Variants in ZNF366 observed in about 807,000 individuals in gnomAD.
The protein encoded by ZNF366 is zinc finger protein 366.
Under a neutral mutation model 47.2 loss-of-function variants are expected in ZNF366, and 20 were observed. The ratio of observed to expected loss-of-function variants is 0.42; its 90% confidence interval spans 0.30 to 0.62. The LOEUF (loss-of-function observed/expected upper bound fraction) is 0.62, where lower values mean the gene tolerates loss of function less well. Among genes scored for constraint, ZNF366 ranks in the 20% least tolerant of loss-of-function variants. ZNF366 has a pLI of 0.16. For missense variants in ZNF366, 987 were observed against 976.3 expected (o/e 1.01, Z -0.15); for synonymous variants, 421 against 395.1 (o/e 1.07, Z -0.78).
rs1742839519 is a variant in ZNF366 at position 72,440,666 on chromosome 5, C to G, written c.*3090G>C. 6.6e-6 allele frequency: 1 copy of G among 152,170 alleles called. No homozygotes were observed. The highest frequency in any genetic ancestry group is 2.4e-5 in the African/African-American group (1 of 41,426). The allele number at this position is 152,170 out of a possible 1,614,324, so 9.4% of individuals were successfully genotyped here. A position where few individuals can be genotyped will look rare whatever the true frequency, so the allele number is the denominator to read the frequency against. ...ACTCTGTGCTCTTGCATAAAGTGTC[C>G]ATGTAATTTCTCACCCAAACTGGAA... On this transcript the variant is annotated 3_prime_UTR_variant, in exon 5 of 5. Transcript: ENST00000318442.
chr5:72,480,220 T>C (rs1743764973), intron 1 of ZNF366, among the ~76,000 whole-genome samples: 1 of 152,172 alleles, frequency 6.6e-6, no homozygotes, highest in Non-Finnish European at 1.5e-5. Context: ...GTGTGACAAA[T>C]TGATGAGGTA....
At chr5:72,457,935 C>T (rs190367531) in intron 2 of ZNF366, among the ~76,000 whole-genome samples, 1 of 150,484 alleles carries the variant, frequency 6.6e-6, no homozygotes, top group Non-Finnish European at 1.5e-5. Context: ...AGTGCATATT[C>T]AAACACTGAG....
chr5:72,488,169 T>C (rs541326626), intron 1 of ZNF366, among the ~76,000 whole-genome samples: 10 of 151,530 alleles, frequency 6.6e-5, no homozygotes, highest in Non-Finnish European at 1.5e-4. Flanking sequence ...GATTGCACCA[T>C]TGCACTCCAG....
At chr5:72,464,710 T>TA (rs1490147706) in intron 1 of ZNF366, among the ~76,000 whole-genome samples, 2 of 152,168 alleles carry the variant, frequency 1.3e-5, no homozygotes, top group African/African-American at 4.8e-5. Context: ...CTCCCACCCT[T>TA]AAAATAGTAG....
intron 2 of ZNF366, among the ~76,000 whole-genome samples, chr5:72,456,899 T>C (rs954668085): frequency 6.6e-6 from 1 of 152,164 alleles, no homozygotes; most frequent in Non-Finnish European, 1.5e-5. Flanking sequence ...TTCTTGAGGA[T>C]TAACAGGCTT....
At chr5:72,456,932 A>C (rs4703891) in intron 2 of ZNF366, among the ~76,000 whole-genome samples, 28,661 of 152,052 alleles carry the variant, frequency 0.19, 2,894 homozygotes, top group East Asian at 0.44. Context: ...CTATGGGCTG[A>C]TATGCAATAT....
Position 72,447,267 on chromosome 5 carries a change from T to A in ZNF366, c.1675A>T (p.Met559Leu), listed in dbSNP as rs777879743. The change falls in exon 4 of 5, where the codon ATG (methionine) becomes TTG (leucine). Residue 559 changes from methionine to leucine, a missense_variant. Transcript: ENST00000318442. ...TRHMKVKHGVMERGLHSQGLG... is the reference protein window; with the variant it reads ...TRHMKVKHGVLERGLHSQGLG... ...CCTTGGGAATGAAGGCCCCGCTCCA[T>A]GACTCCATGCTTGACTTTCATGTGG... The A allele has an allele frequency of 6.2e-7, 1 of 1,614,102 alleles. No homozygotes were observed. Among genetic ancestry groups the A allele is most frequent in the Non-Finnish European group, 8.5e-7 (1 of 1,180,022 alleles).
intron 1 of ZNF366, among the ~76,000 whole-genome samples, chr5:72,485,267 G>T (rs1281878725): frequency 6.6e-6 from 1 of 152,150 alleles, no homozygotes; most frequent in African/African-American, 2.4e-5. Context: ...CATACTGTTT[G>T]CTCCATGAGG....
chr5:72,476,183 A>C (rs1030774654), intron 1 of ZNF366, among the ~76,000 whole-genome samples: 2 of 152,170 alleles, frequency 1.3e-5, no homozygotes, highest in Non-Finnish European at 2.9e-5. Context: ...TGTCTCTAGA[A>C]GAATGGCTGG....
Position 72,441,701 on chromosome 5 carries a change from GA to G in ZNF366, c.*2054del. 1 of 152,452 alleles carries G rather than the reference GA, an allele frequency of 6.6e-6. No individual in the cohort carries two copies. Among genetic ancestry groups the G allele is most frequent in the Non-Finnish European group, 1.5e-5 (1 of 68,136 alleles). 9.4% of individuals were successfully genotyped at this position (152,452 alleles called of 1,614,324 possible). A position where few individuals can be genotyped will look rare whatever the true frequency, so the allele number is the denominator to read the frequency against. ...TAATGGGGCAGCACCTTGGCCTACA[GA>G]AAAGGCCAGCCCCCAGCAGTTGGAG... On this transcript the variant is annotated 3_prime_UTR_variant, in exon 5 of 5. Coordinates refer to ENST00000318442, the MANE Select transcript of ZNF366 (RefSeq NM_152625.3).
chr5:72,450,143 G>A (rs149755869), intron 3 of ZNF366, among the ~76,000 whole-genome samples: 1 of 152,184 alleles, frequency 6.6e-6, no homozygotes, highest in Non-Finnish European at 1.5e-5. Context: ...AATGTGTAGA[G>A]TGCAGTTTGT....
rs758434118 is a variant in ZNF366, at chr5:72,447,385, G to C, written c.1557C>G (p.Asn519Lys). Residue 519 changes from asparagine to lysine, a missense_variant, in exon 4 of 5, where the codon AAC becomes AAG. Coordinates refer to ENST00000318442, the MANE Select transcript of ZNF366 (RefSeq NM_152625.3). ...LCGKEFNRMH[N>K]LMGHMHLHSD... The stretch of plus-strand genomic sequence containing the variant: ...AGTGCAGGTGCATGTGGCCCATCAG[G>C]TTGTGCATCCGGTTGAATTCCTTCC... The C allele has an allele frequency of 6.2e-7, 1 of 1,614,218 alleles. No individual in the cohort carries two copies. Among genetic ancestry groups the C allele is most frequent in the Non-Finnish European group, 8.5e-7 (1 of 1,180,038 alleles).
chr5:72,468,885 C>G (rs1210167288), intron 1 of ZNF366, among the ~76,000 whole-genome samples: 2 of 152,178 alleles, frequency 1.3e-5, no homozygotes, highest in African/African-American at 4.8e-5. Context: ...GCTAGTATAT[C>G]TCTTATAGAT....
chr5:72,474,829 C>T (rs1743641475), intron 1 of ZNF366, among the ~76,000 whole-genome samples: 2 of 152,154 alleles, frequency 1.3e-5, no homozygotes, highest in Admixed American at 1.3e-4. Flanking sequence ...ACATCTTTAA[C>T]CACAGAATCC....
At chr5:72,455,373 A>G (rs1743157108) in intron 3 of ZNF366, among the ~76,000 whole-genome samples, 1 of 152,178 alleles carries the variant, frequency 6.6e-6, no homozygotes, top group African/African-American at 2.4e-5. Flanking sequence ...AGGAATATAG[A>G]TCAGCAGAGT....
chr5:72,462,642 C>T (rs755856033), intron 1 of ZNF366, among the ~76,000 whole-genome samples: 1 of 151,474 alleles, frequency 6.6e-6, no homozygotes, highest in Non-Finnish European at 1.5e-5. Flanking sequence ...TATCCGCCTC[C>T]TGGGTTCAAG....
chr5:72,501,153 T>C (rs1250097105), intron 1 of ZNF366, among the ~76,000 whole-genome samples: 3 of 152,172 alleles, frequency 2.0e-5, no homozygotes, highest in Admixed American at 1.3e-4. Context: ...GCCCCAAACC[T>C]AGTAATGACT....
chr5:72,444,636 G>T (rs1449339124), intron 4 of ZNF366, among the ~76,000 whole-genome samples: 1 of 151,636 alleles, frequency 6.6e-6, no homozygotes, highest in African/African-American at 2.4e-5. Flanking sequence ...GTCAAACAAT[G>T]AAAAAACTTT....
At position 72,460,751 on chromosome 5, in the gene ZNF366, G is replaced by A. The variant is rs1486126542; in HGVS notation, c.746C>T (p.Ser249Leu). The A allele has an allele frequency of 2.5e-6, 4 of 1,614,178 alleles. No homozygotes were observed. The highest frequency in any genetic ancestry group is 1.7e-6 in the Non-Finnish European group (2 of 1,180,032). Reference sequence around the variant, plus strand: ...GGTGGGGCACTGCCAGCGCTTCTGCGAGCCGCCCACGTCCACGTAGTAGCT... The same window carrying A: ...GGTGGGGCACTGCCAGCGCTTCTGCAAGCCGCCCACGTCCACGTAGTAGCT... ...DDSYYVDVGG[S>L]QKRWQCPTCE... Residue 249 changes from serine to leucine, a missense_variant, in exon 2 of 5, where the codon TCG (serine) becomes TTG (leucine). Physicochemically the swap from Ser to Leu is moderately radical, Grantham distance 145. Around this residue, in one of 3 missense-constraint regions of ZNF366, gnomAD observed 591 missense variants for 560.9 expected, o/e 1.05. Coordinates refer to ENST00000318442, the MANE Select transcript of ZNF366 (RefSeq NM_152625.3).
Sources: allele counts gnomAD v4.1 joint callset (sites outside exome capture counted in the v4.1 genomes callset), GRCh38; gene constraint gnomAD v4.1.1; regional missense constraint gnomAD v4.1.1; transcripts MANE v1.5; gene names NCBI Gene and HGNC (gene_info 2026-07-23, HGNC 2026-07-21).